CTNNA3: variants seen among roughly 807,000 people sequenced by gnomAD.
The protein encoded by CTNNA3 is catenin alpha-3.
Under a neutral mutation model 95.7 loss-of-function variants are expected in CTNNA3, and 76 were observed. That is an observed-to-expected ratio of 0.79 (90% CI 0.66 to 0.96). The LOEUF is 0.96. Ranked by LOEUF, CTNNA3 falls within the 40% of genes least tolerant of loss-of-function variation. The pLI is 0.00. For missense variants in CTNNA3, 1,191 were observed against 1,089.8 expected, an observed-to-expected ratio of 1.09 and a Z score of -1.31; for synonymous variants, 431 against 374.4, an observed-to-expected ratio of 1.15 and a Z score of -1.74.
At chr10:66,890,835 T>C (rs1189754842) in intron 7 of CTNNA3, among the ~76,000 whole-genome samples, 1 of 152,126 alleles carries the variant, frequency 6.6e-6, no homozygotes, top group East Asian at 1.9e-4. Flanking sequence ...GCAGGGACGA[T>C]GCCACCACTG....
chr10:66,309,943 A>C (rs1262464755), intron 12 of CTNNA3, among the ~76,000 whole-genome samples: 5 of 140,344 alleles, frequency 3.6e-5, no homozygotes, highest in African/African-American at 1.4e-4. Context: ...ATAAATAAAT[A>C]AATAAATAAA....
chr10:66,360,684 T>TTTTCTTTCTTTCC (rs2092655285), intron 12 of CTNNA3, among the ~76,000 whole-genome samples: 1 of 60,048 alleles, frequency 1.7e-5, no homozygotes, highest in African/African-American at 4.0e-5. Context: ...CCTTCCTTCC[T>TTTTCTTTCTTTCC]TCCTTCCTTT....
At chr10:66,592,893 T>C (rs546565762) in intron 10 of CTNNA3, among the ~76,000 whole-genome samples, 5 of 152,264 alleles carry the variant, frequency 3.3e-5, no homozygotes, top group South Asian at 4.1e-4. Context: ...ACTGTAATAA[T>C]AGAGGCCAGA....
chr10:66,323,374 C>T (rs2092214822), intron 12 of CTNNA3, among the ~76,000 whole-genome samples: 1 of 151,734 alleles, frequency 6.6e-6, no homozygotes, highest in African/African-American at 2.4e-5. Flanking sequence ...TAGAAGAGGG[C>T]AGTCTACACC....
In CTNNA3 at chr10:67,642,188, G is replaced by A. The variant is rs565536901; in HGVS notation, c.99+5227C>T. Among the ~76,000 whole-genome samples, 16 of 152,112 alleles carry A rather than the reference G, an allele frequency of 1.1e-4. No homozygotes were observed. The East Asian group carries it at 2.7e-3, about 26-fold the overall frequency. On this transcript the variant is annotated intron_variant, in intron 2 of 17. Coordinates refer to ENST00000433211, the MANE Select transcript of CTNNA3 (RefSeq NM_013266.4). ...AGCAAAAGCAAAAACAGACAAATGG[G>A]TTCTAATTAAACTAAAGAGTTTCCT... is the stretch of plus-strand genomic sequence containing the variant.
At chr10:66,722,872 A>G (rs1010756592) in intron 9 of CTNNA3, among the ~76,000 whole-genome samples, 7 of 152,082 alleles carry the variant, frequency 4.6e-5, no homozygotes, top group African/African-American at 1.7e-4. Flanking sequence ...GAGACTTGGC[A>G]TGACAGTCCT....
chr10:66,027,937 A>T (rs192727146), intron 15 of CTNNA3, among the ~76,000 whole-genome samples: 21 of 152,182 alleles, frequency 1.4e-4, no homozygotes, highest in Non-Finnish European at 2.2e-4. Flanking sequence ...ACAATGACAG[A>T]TTAAAGCATT....
intron 12 of CTNNA3, among the ~76,000 whole-genome samples, chr10:66,366,288 G>A (rs768529328): frequency 6.0e-4 from 91 of 152,260 alleles, no homozygotes; most frequent in Non-Finnish European, 7.2e-4. Flanking sequence ...GGTGTAATGT[G>A]TAAGTTAAAC....
intron 5 of CTNNA3, among the ~76,000 whole-genome samples, chr10:67,399,446 AT>A (rs1844838575): frequency 6.6e-6 from 1 of 152,188 alleles, no homozygotes; most frequent in Non-Finnish European, 1.5e-5. Context: ...ATCAAATAAA[AT>A]TTGCAGTTTT....
At chr10:67,354,625 A>G (rs1224276331) in intron 5 of CTNNA3, among the ~76,000 whole-genome samples, 1 of 152,044 alleles carries the variant, frequency 6.6e-6, no homozygotes, top group Non-Finnish European at 1.5e-5. Context: ...ATACTCACAA[A>G]CTATGTTACT....
intron 7 of CTNNA3, among the ~76,000 whole-genome samples, chr10:66,899,416 C>T (rs1470214851): frequency 6.6e-6 from 1 of 152,172 alleles, no homozygotes; most frequent in African/African-American, 2.4e-5. Context: ...CAAATAGGAA[C>T]AGCTCCGGTC....
intron 7 of CTNNA3, among the ~76,000 whole-genome samples, chr10:67,092,300 G>T (rs75442175): frequency 0.017 from 2,640 of 151,926 alleles, 82 homozygotes; most frequent in East Asian, 0.11. Flanking sequence ...TTCTCTCAAT[G>T]AGTAGAGATA....
intron 7 of CTNNA3, among the ~76,000 whole-genome samples, chr10:66,828,307 G>A (rs1842588423): frequency 6.6e-6 from 1 of 152,184 alleles, no homozygotes; most frequent in Admixed American, 6.5e-5. Context: ...AAAATCAGAA[G>A]CCAGACTAAA....
chr10:67,650,389 T>C (rs1173461294), intron 1 of CTNNA3, among the ~76,000 whole-genome samples: 1 of 152,074 alleles, frequency 6.6e-6, no homozygotes, highest in Non-Finnish European at 1.5e-5. Context: ...AAAGTACAGA[T>C]TTGGAGAGAG....
At chr10:67,423,477 A>G (rs917397597) in intron 5 of CTNNA3, among the ~76,000 whole-genome samples, 1 of 152,200 alleles carries the variant, frequency 6.6e-6, no homozygotes, top group Non-Finnish European at 1.5e-5. Context: ...AGTCAGCCTG[A>G]GAACAGAGCC....
intron 5 of CTNNA3, among the ~76,000 whole-genome samples, chr10:67,268,333 T>A: frequency 6.7e-6 from 1 of 149,994 alleles, no homozygotes; most frequent in East Asian, 1.9e-4. Context: ...TTAAATTAAA[T>A]TAAATTAAAT....
chr10:66,663,959 TC>T (rs1846352138), intron 9 of CTNNA3, among the ~76,000 whole-genome samples: 1 of 152,120 alleles, frequency 6.6e-6, no homozygotes, highest in Non-Finnish European at 1.5e-5. Context: ...CTCTCCTTTG[TC>T]ACCTTAAAGA....
chr10:66,208,167 T>A (rs1159925515), intron 13 of CTNNA3, among the ~76,000 whole-genome samples: 1 of 152,110 alleles, frequency 6.6e-6, no homozygotes, highest in Non-Finnish European at 1.5e-5. Context: ...GAACGACTAA[T>A]GATCTTGGTT....
intron 5 of CTNNA3, among the ~76,000 whole-genome samples, chr10:67,392,407 C>T (rs1227814810): frequency 6.6e-6 from 1 of 152,192 alleles, no homozygotes; most frequent in Non-Finnish European, 1.5e-5. Flanking sequence ...CAGGAAACAA[C>T]AGGTGCTGGA....
Sources: allele counts gnomAD v4.1 joint callset (sites outside exome capture counted in the v4.1 genomes callset), GRCh38; gene constraint gnomAD v4.1.1; transcripts MANE v1.5; gene names NCBI Gene and HGNC (gene_info 2026-07-23, HGNC 2026-07-21).